The following ERAP1 variants were observed in gnomAD, a reference collection of about 807,000 sequenced individuals.
ERAP1 encodes the protein endoplasmic reticulum aminopeptidase 1.
A neutral mutation model predicts 103.7 loss-of-function variants in ERAP1; 86 were observed. The observed-to-expected ratio is 0.83, with a 90% CI of 0.70 to 0.99. ERAP1 has a LOEUF of 0.99. ERAP1 is among the 50% of genes least tolerant of loss of function. The pLI is 0.00. For missense variants in ERAP1, 1,009 were observed against 1,128.4 expected (o/e 0.89, Z 1.52); for synonymous variants, 398 against 402.4 (o/e 0.99, Z 0.13).
the ERAP1 span, among the ~76,000 whole-genome samples, chr5:96,904,043 T>A: frequency 1.6e-4 from 25 of 152,364 alleles, no homozygotes; most frequent in East Asian, 4.6e-3. Context: ...CGGTGTAATC[T>A]CTTAAGGAAA....
rs1015956195 is a variant in ERAP1 at position 96,774,914 on chromosome 5, C to T, written c.*1482G>A. On this transcript the variant is annotated 3_prime_UTR_variant, in exon 19 of 19. Transcript: ENST00000443439. Reference sequence around the variant, plus strand: ...TAGGGGAACACATTTTGACATTTTTCGTACCAATCATCAATCATATTCCCT... The same window carrying T: ...TAGGGGAACACATTTTGACATTTTTTGTACCAATCATCAATCATATTCCCT... 5.0e-5 allele frequency: 49 copies of T among 985,262 alleles called. No individual in the cohort carries two copies. Among genetic ancestry groups the T allele is most frequent in the Non-Finnish European group, 5.8e-5 (48 of 829,864 alleles). The allele number at this position is 985,262 out of a possible 1,614,324, so 61.0% of individuals were successfully genotyped here.
the ERAP1 span, among the ~76,000 whole-genome samples, chr5:96,857,316 C>G: frequency 1.6e-3 from 250 of 152,234 alleles, 1 homozygote; most frequent in African/African-American, 5.7e-3. Context: ...GTTATTGTTG[C>G]CTTTTTGTTT....
At chr5:96,766,094 A>C (rs1406217011) in intron 19 of ERAP1, 1 of 1,611,714 alleles carries the variant, frequency 6.2e-7, no homozygotes, top group East Asian at 2.2e-5. Flanking sequence ...TTGGAGAAAG[A>C]GATGACACTA....
At chr5:96,827,082 C>T in the ERAP1 span, among the ~76,000 whole-genome samples, 1 of 152,172 alleles carries the variant, frequency 6.6e-6, no homozygotes, top group Admixed American at 6.5e-5. Flanking sequence ...CTCAAAACTG[C>T]ATCAAGAATT....
At chr5:96,835,135 C>T in the ERAP1 span, among the ~76,000 whole-genome samples, 1,169 of 152,336 alleles carry the variant, frequency 7.7e-3, 5 homozygotes, top group Middle Eastern at 0.01. Context: ...CACCATGACA[C>T]TGTCTGTGGC....
Position 96,788,546 on chromosome 5 carries a change from C to T in ERAP1, c.1664G>A (p.Gly555Asp). ...GGAGCATTACCCAGTGTCCGGGGCG[C>T]CGTCAGAGCCCTTCATGTAGTGCTC... ...KQEHYMKGSD[G>D]APDTGYLWHV... The change falls in exon 11 of 19, where the codon GGC (glycine) becomes GAC (aspartate). Residue 555 changes from glycine to aspartate, a missense_variant. Coordinates refer to ENST00000443439, the MANE Select transcript of ERAP1 (RefSeq NM_001040458.3). 1.9e-6 allele frequency: 3 copies of T among 1,614,226 alleles called. No homozygotes were observed. Among genetic ancestry groups the T allele is most frequent in the Non-Finnish European group, 1.7e-6 (2 of 1,180,042 alleles).
intron 14 of ERAP1, 88 bp from the exon 15 acceptor site, chr5:96,783,323 G>A (rs1439360034): frequency 2.4e-6 from 3 of 1,250,948 alleles, no homozygotes; most frequent in Admixed American, 4.7e-5. Flanking sequence ...AGATGATGGG[G>A]GCTAATTTTT....
the ERAP1 span, among the ~76,000 whole-genome samples, chr5:96,815,413 TA>T: frequency 3.0e-4 from 42 of 138,258 alleles, no homozygotes; most frequent in African/African-American, 3.5e-4. Context: ...TTTTGTTTTT[TA>T]TTTTTTTTTT....
At chr5:96,804,660 A>G (rs953402732) in intron 1 of ERAP1, among the ~76,000 whole-genome samples, 1 of 152,198 alleles carries the variant, frequency 6.6e-6, no homozygotes, top group African/African-American at 2.4e-5. Flanking sequence ...AGCAATGTGA[A>G]TTTCAGGCCA....
chr5:96,805,360 A>ATTTT (rs1561295261), intron 1 of ERAP1, among the ~76,000 whole-genome samples: 38 of 139,512 alleles, frequency 2.7e-4, no homozygotes, highest in African/African-American at 8.4e-4. Flanking sequence ...TTTTTTTTAA[A>ATTTT]AAAAAAAAAA....
At chr5:96,780,355 C>A in intron 18 of ERAP1, 68 bp downstream of exon 18, 1 of 1,155,192 alleles carries the variant, frequency 8.7e-7, no homozygotes, top group Non-Finnish European at 1.2e-6. Flanking sequence ...AGTATTTTGT[C>A]TACCCCATAT....
the ERAP1 span, among the ~76,000 whole-genome samples, chr5:96,894,368 A>G: frequency 1.3e-5 from 2 of 152,206 alleles, no homozygotes; most frequent in Non-Finnish European, 2.9e-5. Context: ...CAGAAAAGGA[A>G]TAGTGCTTAA....
the ERAP1 span, among the ~76,000 whole-genome samples, chr5:96,887,848 G>A: frequency 0.083 from 12,576 of 152,130 alleles, 670 homozygotes; most frequent in Non-Finnish European, 0.11. Flanking sequence ...GGCATAGGCC[G>A]GGCACAGTGG....
At chr5:96,856,244 G>A in the ERAP1 span, among the ~76,000 whole-genome samples, 7 of 142,778 alleles carry the variant, frequency 4.9e-5, no homozygotes, top group East Asian at 6.4e-4. Context: ...ATTTGAACCC[G>A]GGAGGCGGAG....
chr5:96,893,615 G>A, the ERAP1 span, among the ~76,000 whole-genome samples: 7 of 152,186 alleles, frequency 4.6e-5, no homozygotes, highest in African/African-American at 1.7e-4. Flanking sequence ...GAGGCTCCAT[G>A]CTCCCTCTGG....
At chr5:96,830,216 G>T in the ERAP1 span, among the ~76,000 whole-genome samples, 2 of 152,140 alleles carry the variant, frequency 1.3e-5, no homozygotes, top group Non-Finnish European at 2.9e-5. Context: ...ACCAGCTTGT[G>T]GTCCCCAAGC....
the ERAP1 span, among the ~76,000 whole-genome samples, chr5:96,925,911 CTTTT>C: frequency 3.6e-4 from 38 of 105,670 alleles, no homozygotes; most frequent in African/African-American, 1.2e-3. Context: ...GTATAATTTG[CTTTT>C]TTTTTTTTTT....
the ERAP1 span, among the ~76,000 whole-genome samples, chr5:96,813,859 G>GT: frequency 1.3e-5 from 2 of 151,578 alleles, no homozygotes. Context: ...GTGTTATAAT[G>GT]TTTTTTTAGT....
chr5:96,858,420 G>A, the ERAP1 span, among the ~76,000 whole-genome samples: 1 of 151,908 alleles, frequency 6.6e-6, no homozygotes, highest in African/African-American at 2.4e-5. Context: ...TCACCATGTT[G>A]GCCAGGCCTC....
Sources: allele counts gnomAD v4.1 joint callset (sites outside exome capture counted in the v4.1 genomes callset), GRCh38; gene constraint gnomAD v4.1.1; transcripts MANE v1.5; gene names NCBI Gene and HGNC (gene_info 2026-07-23, HGNC 2026-07-21).